GAS7: variants seen among roughly 807,000 people sequenced by gnomAD.
The protein encoded by GAS7 is growth arrest-specific protein 7.
GAS7 carries 28 observed loss-of-function variants against 71.1 expected under a neutral mutation model. The ratio of observed to expected loss-of-function variants is 0.39; its 90% CI spans 0.29 to 0.54. GAS7 has a LOEUF of 0.54. Ranked by LOEUF, GAS7 falls within the 20% of genes least tolerant of loss-of-function variation. The pLI is 0.62. For missense variants in GAS7, 436 were observed against 627.8 expected (o/e 0.69, Z 3.27); for synonymous variants, 258 against 245.8 (o/e 1.05, Z -0.46).
Position 9,959,779 on chromosome 17 carries a change from G to A in GAS7, c.472-524C>T, listed in dbSNP as rs959403910. ...CCTGACTCCCCGCTCCCCCAACCCC[G>A]TGAGCCAGGAGGGATTTCTCAGCCA... On this transcript the variant is annotated intron_variant, in intron 4 of 13. Transcript: ENST00000432992. This position sits in a 1 kb window ranked among gnomAD's most constrained non-coding sequence, Gnocchi z 5.0. Among the ~76,000 whole-genome samples the A allele has an allele frequency of 5.9e-5, 9 of 152,072 alleles. No homozygotes were observed. Among genetic ancestry groups the A allele is most frequent in the East Asian group, 1.9e-4 (1 of 5,196 alleles).
In GAS7 at chr17:9,921,938, G is replaced by A. The variant is rs980368146; in HGVS notation, c.1139-2233C>T. Among the ~76,000 whole-genome samples, 27 of 135,944 alleles carry A rather than the reference G, an allele frequency of 2.0e-4. No individual in the cohort carries two copies. In the South Asian group the frequency reaches 5.8e-3, roughly 29 times the overall value. The allele number at this position is 135,944 out of a possible 152,430, so 89.2% of individuals were successfully genotyped here. On this transcript the variant is annotated intron_variant, in intron 11 of 13. Transcript: ENST00000432992. ...CGCACCACTGCACTCCAGCCTGGGC[G>A]ACAGAGCAAGACTCCATCTCAAAAA...
Position 9,969,402 on chromosome 17 carries a change from C to T in GAS7, c.471+275G>A, listed in dbSNP as rs983205696. ...AGGCTTCAGGTATCAGGAATCCAGA[C>T]CAGAGAATGGAACTCTCTGTCCTAA... On this transcript the variant is annotated intron_variant, in intron 4 of 13. Transcript: ENST00000432992. The surrounding 1 kb of genome is among the most constrained non-coding windows in gnomAD (Gnocchi z 5.5). 4.6e-5 allele frequency among the ~76,000 whole-genome samples: 7 copies of T among 152,108 alleles called. No homozygotes were observed. Among genetic ancestry groups the T allele is most frequent in the African/African-American group, 1.7e-4 (7 of 41,412 alleles).
chr17:9,966,515 T>A (rs1305209342), intron 4 of GAS7, among the ~76,000 whole-genome samples: 1 of 152,208 alleles, frequency 6.6e-6, no homozygotes, highest in East Asian at 1.9e-4. Flanking sequence ...AGTGTAGTTA[T>A]CATGAGTGAT....
At chr17:10,171,689 C>T (rs1317233033) in intron 1 of GAS7, among the ~76,000 whole-genome samples, 4 of 152,160 alleles carry the variant, frequency 2.6e-5, no homozygotes, top group African/African-American at 4.8e-5. Flanking sequence ...GTGTAAGGGA[C>T]GGGTGAAGCA....
At chr17:9,943,751 T>A (rs1004748726) in intron 6 of GAS7, among the ~76,000 whole-genome samples, 1 of 152,040 alleles carries the variant, frequency 6.6e-6, no homozygotes, top group South Asian at 2.1e-4. Context: ...GAAAAGTAAA[T>A]CATAGAGAGA....
chr17:10,116,314 CA>C (rs55877232), intron 1 of GAS7, among the ~76,000 whole-genome samples: 100,531 of 147,594 alleles, frequency 0.68, 33,856 homozygotes, highest in East Asian at 0.75. Context: ...ACTCTTGCCT[CA>C]AAAAAAAAAA....
Position 9,943,188 on chromosome 17 carries a change from G to C in GAS7, c.664C>G (p.Leu222Val). The stretch of plus-strand genomic sequence containing the variant: ...CCCTTCAGCTGTTTCTGGAGCAGTA[G>C]TTCAAACCCAGCCACGGTGCCGTTG... ...QGNGTVAGFE[L>V]LLQKQLKGKQ... Residue 222 changes from leucine to valine, a missense_variant, in exon 7 of 14, where the codon CTA becomes GTA. Coordinates refer to ENST00000432992, the MANE Select transcript of GAS7 (RefSeq NM_201433.2). The C allele has an allele frequency of 6.2e-7, 1 of 1,613,632 alleles. No individual in the cohort carries two copies. The highest frequency in any genetic ancestry group is 8.5e-7 in the Non-Finnish European group (1 of 1,179,542).
intron 1 of GAS7, among the ~76,000 whole-genome samples, chr17:10,025,813 C>T (rs778035969): frequency 1.3e-4 from 20 of 152,104 alleles, no homozygotes; most frequent in Non-Finnish European, 2.4e-4. Flanking sequence ...AAAGCCACTC[C>T]GTTGCAGCAT....
intron 5 of GAS7, among the ~76,000 whole-genome samples, chr17:9,951,122 A>G (rs768175032): frequency 1.3e-5 from 2 of 152,216 alleles, no homozygotes; most frequent in Non-Finnish European, 2.9e-5. Flanking sequence ...GCAGGCAATC[A>G]TGAAAACAAG....
chr17:9,997,117 A>C (rs895314994), intron 2 of GAS7, among the ~76,000 whole-genome samples: 1 of 152,122 alleles, frequency 6.6e-6, no homozygotes, highest in East Asian at 1.9e-4. Flanking sequence ...GCAATGGTGA[A>C]AGGCTGAATC....
chr17:10,021,627 G>A (rs2072272466), intron 1 of GAS7, among the ~76,000 whole-genome samples: 1 of 152,180 alleles, frequency 6.6e-6, no homozygotes, highest in Non-Finnish European at 1.5e-5. Context: ...AAGACAGCAG[G>A]AGACAGTGAG....
chr17:10,020,253 G>A, intron 1 of GAS7: 1 of 217,806 alleles, frequency 4.6e-6, no homozygotes, highest in South Asian at 1.3e-4. Context: ...CTCCCATTGT[G>A]AAATCTGAAG....
At chr17:9,955,128 T>A (rs55656705) in intron 5 of GAS7, among the ~76,000 whole-genome samples, 7,570 of 152,222 alleles carry the variant, frequency 0.05, 636 homozygotes, top group African/African-American at 0.17. Flanking sequence ...TTCTGTGACA[T>A]CCAGACCTCA....
chr17:9,966,360 G>A (rs1211327052), intron 4 of GAS7, among the ~76,000 whole-genome samples: 5 of 152,106 alleles, frequency 3.3e-5, no homozygotes, highest in African/African-American at 1.2e-4. Context: ...TAAGCAGGGG[G>A]CGGAAAGAGA....
intron 1 of GAS7, among the ~76,000 whole-genome samples, chr17:10,064,468 C>CGGGA (rs1284199376): frequency 6.6e-6 from 1 of 152,200 alleles, no homozygotes; most frequent in African/African-American, 2.4e-5. Flanking sequence ...TCGAGGTTTC[C>CGGGA]GGGAGCAAGT....
At chr17:10,021,661 C>T (rs1177247660) in intron 1 of GAS7, among the ~76,000 whole-genome samples, 6 of 152,196 alleles carry the variant, frequency 3.9e-5, no homozygotes, top group East Asian at 1.9e-4. Context: ...AGGATCAACA[C>T]GGTGTGGCAT....
At chr17:10,141,013 A>C (rs1597815207) in intron 1 of GAS7, among the ~76,000 whole-genome samples, 1 of 152,192 alleles carries the variant, frequency 6.6e-6, no homozygotes, top group Non-Finnish European at 1.5e-5. Flanking sequence ...CCTGGTGTGC[A>C]CCCAGCTATG....
intron 5 of GAS7, among the ~76,000 whole-genome samples, chr17:9,949,020 C>T (rs529388558): frequency 4.6e-5 from 7 of 152,258 alleles, no homozygotes; most frequent in East Asian, 1.9e-4. Flanking sequence ...CAATGCTAGG[C>T]GGGGTGTGCA....
chr17:9,920,931 C>G (rs910004159), intron 11 of GAS7, among the ~76,000 whole-genome samples: 3 of 152,096 alleles, frequency 2.0e-5, no homozygotes, highest in African/African-American at 7.2e-5. Context: ...ATAGGAAAGT[C>G]AAAGAGAACA....
Sources: gnomAD v4.1 joint callset for allele counts (sites outside exome capture counted in the v4.1 genomes callset) on GRCh38, gnomAD v4.1.1 for gene constraint, Gnocchi (gnomAD v3.1) non-coding constraint, MANE v1.5 for transcripts, NCBI Gene and HGNC (gene_info 2026-07-23, HGNC 2026-07-21) for gene names.